IMMP2L: variants seen among roughly 807,000 people sequenced by gnomAD.
The protein encoded by IMMP2L is mitochondrial inner membrane protease subunit 2.
IMMP2L carries 18 observed loss-of-function variants against 19.3 expected under a neutral mutation model. That is an observed-to-expected ratio of 0.93 (90% confidence interval 0.64 to 1.38). The LOEUF (loss-of-function observed/expected upper bound fraction) is 1.38, where lower values mean the gene tolerates loss of function less well. Ranked by LOEUF, IMMP2L falls within the 40% of genes most tolerant of loss-of-function variation. IMMP2L has a pLI of 0.00. For synonymous variants in IMMP2L, 76 were observed against 73.0 expected (o/e 1.04, Z -0.21); for missense variants, 233 against 218.2 (o/e 1.07, Z -0.43).
intron 1 of IMMP2L, among the ~76,000 whole-genome samples, chr7:111,558,778 G>C (rs546064511): frequency 6.6e-6 from 1 of 152,300 alleles, no homozygotes; most frequent in South Asian, 2.1e-4. Flanking sequence ...CTTTAGGAAA[G>C]TAAGTACTAG....
chr7:111,495,659 C>T (rs753619331), intron 2 of IMMP2L, among the ~76,000 whole-genome samples: 1 of 152,136 alleles, frequency 6.6e-6, no homozygotes, highest in African/African-American at 2.4e-5. Flanking sequence ...TCACAGTACA[C>T]TTCCTGTTTT....
intron 3 of IMMP2L, among the ~76,000 whole-genome samples, chr7:111,394,274 G>A (rs1832663503): frequency 6.6e-6 from 1 of 152,026 alleles, no homozygotes. Context: ...AACAGTTTCT[G>A]GCTTACCTCA....
chr7:111,266,635 T>G (rs1817869279), intron 3 of IMMP2L, among the ~76,000 whole-genome samples: 1 of 151,670 alleles, frequency 6.6e-6, no homozygotes, highest in Non-Finnish European at 1.5e-5. Flanking sequence ...TTCCATAAAG[T>G]GCATTTCCCT....
intron 3 of IMMP2L, among the ~76,000 whole-genome samples, chr7:111,086,966 G>C (rs1796395984): frequency 1.3e-5 from 2 of 152,144 alleles, no homozygotes; most frequent in African/African-American, 4.8e-5. Flanking sequence ...GGTTGGCTCA[G>C]CCATCCATCA....
intron 3 of IMMP2L, among the ~76,000 whole-genome samples, chr7:111,056,361 G>A (rs1177769182): frequency 2.6e-5 from 4 of 152,144 alleles, no homozygotes; most frequent in Admixed American, 1.3e-4. Context: ...AGCCTGAGAT[G>A]TAAAACCAGA....
intron 1 of IMMP2L, among the ~76,000 whole-genome samples, chr7:111,540,791 G>T (rs1447170534): frequency 1.3e-5 from 2 of 152,072 alleles, no homozygotes; most frequent in Non-Finnish European, 2.9e-5. Flanking sequence ...TTTAATTGTA[G>T]ATATGGTTTA....
At chr7:111,179,666 C>T (rs1807489308) in intron 3 of IMMP2L, among the ~76,000 whole-genome samples, 2 of 152,032 alleles carry the variant, frequency 1.3e-5, no homozygotes, top group Admixed American at 6.6e-5. Context: ...GTGAGCCTGT[C>T]CTTTGATGCT....
intron 3 of IMMP2L, among the ~76,000 whole-genome samples, chr7:111,025,634 T>G (rs915102346): frequency 6.6e-6 from 1 of 152,154 alleles, no homozygotes; most frequent in African/African-American, 2.4e-5. Context: ...GGCTTACACC[T>G]CTAATTACAA....
At chr7:111,035,576 T>G (rs1791258220) in intron 3 of IMMP2L, among the ~76,000 whole-genome samples, 2 of 152,126 alleles carry the variant, frequency 1.3e-5, no homozygotes, top group African/African-American at 4.8e-5. Context: ...TTTGCAACAT[T>G]GTATACATGC....
chr7:111,078,671 C>G (rs1795618881), intron 3 of IMMP2L, among the ~76,000 whole-genome samples: 1 of 151,412 alleles, frequency 6.6e-6, no homozygotes, highest in Non-Finnish European at 1.5e-5. Context: ...ATTTCTTTAT[C>G]CTTTTTGAGT....
intron 4 of IMMP2L, among the ~76,000 whole-genome samples, chr7:110,909,110 A>G (rs2129548137): frequency 6.6e-6 from 1 of 152,236 alleles, no homozygotes; most frequent in East Asian, 1.9e-4. Context: ...GTATGCCAAG[A>G]TCCCGTGTTC....
intron 3 of IMMP2L, among the ~76,000 whole-genome samples, chr7:111,196,216 T>C (rs1197170514): frequency 6.6e-6 from 1 of 152,110 alleles, no homozygotes; most frequent in Non-Finnish European, 1.5e-5. Context: ...TTAGGAAAAA[T>C]CATGAAAAAT....
intron 5 of IMMP2L, among the ~76,000 whole-genome samples, chr7:110,779,586 T>A (rs1045127410): frequency 2.0e-5 from 3 of 151,874 alleles, no homozygotes; most frequent in African/African-American, 7.2e-5. Flanking sequence ...AGCAAAACAG[T>A]CTACAATGCA....
intron 3 of IMMP2L, among the ~76,000 whole-genome samples, chr7:111,094,168 T>C (rs1168382231): frequency 2.0e-5 from 3 of 152,160 alleles, no homozygotes; most frequent in African/African-American, 7.2e-5. Flanking sequence ...GGGTGTAACA[T>C]TCCTGTGTAA....
chr7:111,192,718 A>G (rs530061408), intron 3 of IMMP2L, among the ~76,000 whole-genome samples: 11 of 152,256 alleles, frequency 7.2e-5, no homozygotes, highest in African/African-American at 2.4e-4. Context: ...ATGGCAGGTT[A>G]ATCAAAGAAA....
chr7:111,434,701 C>T (rs1253302289), intron 3 of IMMP2L, among the ~76,000 whole-genome samples: 2 of 151,658 alleles, frequency 1.3e-5, no homozygotes, highest in Non-Finnish European at 2.9e-5. Context: ...TTACAGGCGC[C>T]TTCCACCATG....
intron 3 of IMMP2L, among the ~76,000 whole-genome samples, chr7:111,023,047 G>C (rs1826447957): frequency 6.6e-6 from 1 of 152,164 alleles, no homozygotes; most frequent in African/African-American, 2.4e-5. Context: ...ACATAATGTA[G>C]CAGTAAAACT....
chr7:110,868,451 T>A (rs1389573406), intron 5 of IMMP2L, among the ~76,000 whole-genome samples: 1 of 152,072 alleles, frequency 6.6e-6, no homozygotes, highest in African/African-American at 2.4e-5. Context: ...ATTTTTATAA[T>A]TGTGATCATC....
chr7:111,314,381 C>G (rs1041043299), intron 3 of IMMP2L, among the ~76,000 whole-genome samples: 1 of 151,564 alleles, frequency 6.6e-6, no homozygotes, highest in Non-Finnish European at 1.5e-5. Flanking sequence ...AGGAATATGC[C>G]GAAGAAAAGG....
Sources: gnomAD v4.1 joint callset for allele counts (sites outside exome capture counted in the v4.1 genomes callset) on GRCh38, gnomAD v4.1.1 for gene constraint, MANE v1.5 for transcripts, NCBI Gene and HGNC (gene_info 2026-07-23, HGNC 2026-07-21) for gene names.